SLC36A1: variants seen among roughly 807,000 people sequenced by gnomAD.
SLC36A1 encodes the protein solute carrier family 36 member 1, also known as proton-coupled amino acid transporter 1.
A neutral mutation model predicts 47.5 loss-of-function variants in SLC36A1; 30 were observed. That is an observed-to-expected ratio of 0.63 (90% CI 0.47 to 0.86). SLC36A1 has a LOEUF of 0.86. Among genes scored for constraint, SLC36A1 ranks in the 40% least tolerant of loss-of-function variants. The pLI, the probability that SLC36A1 is intolerant of heterozygous loss-of-function variation, is 0.00. For synonymous variants in SLC36A1, 255 were observed against 249.7 expected (o/e 1.02, Z -0.20); for missense variants, 517 against 606.0 (o/e 0.85, Z 1.54).
the SLC36A1 span, among the ~76,000 whole-genome samples, chr5:151,407,643 A>G: frequency 6.6e-6 from 1 of 152,198 alleles, no homozygotes; most frequent in Non-Finnish European, 1.5e-5. Flanking sequence ...TTCACCTCTC[A>G]TTAGGGCCAC....
chr5:151,545,084 CCATATGAAA>C, the SLC36A1 span: 1 of 1,614,136 alleles, frequency 6.2e-7, no homozygotes, highest in Non-Finnish European at 8.5e-7. Context: ...GCTGACTGGA[CCATATGAAA>C]CATATCTGTG....
At chr5:151,546,002 A>G in the SLC36A1 span, 2 of 1,614,208 alleles carry the variant, frequency 1.2e-6, no homozygotes. Flanking sequence ...ATAAGGCCAG[A>G]ATATGAGTTC....
intron 2 of SLC36A1, among the ~76,000 whole-genome samples, chr5:151,463,073 G>A (rs188255026): frequency 3.3e-5 from 5 of 152,070 alleles, no homozygotes; most frequent in Non-Finnish European, 5.9e-5. Flanking sequence ...ACGGGGTTTC[G>A]CCTTGTTGGC....
At chr5:151,354,939 A>G in the SLC36A1 span, among the ~76,000 whole-genome samples, 1 of 152,170 alleles carries the variant, frequency 6.6e-6, no homozygotes, top group African/African-American at 2.4e-5. Flanking sequence ...TGGGCAGCAG[A>G]GCAGATGTTC....
intron 1 of SLC36A1, 106 bp downstream of exon 1, chr5:151,447,919 G>A (rs1246912592): frequency 1.3e-5 from 2 of 152,288 alleles, no homozygotes; most frequent in Non-Finnish European, 2.9e-5. Context: ...GGCGAAGCGT[G>A]GAGATCCCTT....
At chr5:151,349,649 C>T in the SLC36A1 span, among the ~76,000 whole-genome samples, 1 of 152,058 alleles carries the variant, frequency 6.6e-6, no homozygotes, top group South Asian at 2.1e-4. Context: ...GGGCAGGCAA[C>T]TGGTGAAAAG....
At chr5:151,479,601 A>T in intron 10 of SLC36A1, 112 bp downstream of exon 10, 1 of 1,279,996 alleles carries the variant, frequency 7.8e-7, no homozygotes. Flanking sequence ...TATGTTTGTG[A>T]CAGAGAACCT....
chr5:151,421,526 G>A, the SLC36A1 span, among the ~76,000 whole-genome samples: 1 of 150,810 alleles, frequency 6.6e-6, no homozygotes, highest in African/African-American at 2.4e-5. Flanking sequence ...ACAGACATGA[G>A]CCACCACGCC....
the SLC36A1 span, among the ~76,000 whole-genome samples, chr5:151,547,187 G>GA: frequency 5.9e-5 from 9 of 152,076 alleles, no homozygotes; most frequent in Admixed American, 5.2e-4. Flanking sequence ...AGAAGTCAAA[G>GA]AAAAAATACC....
At chr5:151,500,150 A>G in the SLC36A1 span, among the ~76,000 whole-genome samples, 5 of 152,050 alleles carry the variant, frequency 3.3e-5, no homozygotes, top group Non-Finnish European at 7.4e-5. Flanking sequence ...GCTGCTGCTC[A>G]TCAGTCCCCT....
chr5:151,396,053 G>GT, the SLC36A1 span, among the ~76,000 whole-genome samples: 1 of 151,748 alleles, frequency 6.6e-6, no homozygotes, highest in Non-Finnish European at 1.5e-5. Context: ...CAAGGGACCT[G>GT]CTCACCGTGG....
the SLC36A1 span, chr5:151,549,189 T>C: frequency 7.5e-5 from 78 of 1,045,196 alleles, no homozygotes; most frequent in Non-Finnish European, 1.0e-4. Context: ...TGCCAAGGCT[T>C]AATGAGCTTG....
rs891467163 is a variant in SLC36A1, at chr5:151,488,353, C to A, written c.*99C>A. On this transcript the variant is annotated 3_prime_UTR_variant, in exon 11 of 11. Transcript: ENST00000243389. The stretch of plus-strand genomic sequence containing the variant: ...GTATGGTCCAGGCTCTGAGGAAAGT[C>A]AGGGTTGCTGTGTGGGAACCCCTCT... The A allele has an allele frequency of 6.2e-6, 9 of 1,462,702 alleles. No homozygotes were observed. Among genetic ancestry groups the A allele is most frequent in the African/African-American group, 5.7e-5 (4 of 70,772 alleles). 90.6% of individuals were successfully genotyped at this position (1,462,702 alleles called of 1,614,324 possible). A position where few individuals can be genotyped will look rare whatever the true frequency, so the allele number is the denominator to read the frequency against.
At chr5:151,548,387 G>T in the SLC36A1 span, among the ~76,000 whole-genome samples, 1 of 151,576 alleles carries the variant, frequency 6.6e-6, no homozygotes, top group Non-Finnish European at 1.5e-5. Context: ...GGATATTATC[G>T]CTTTTGTTAT....
Position 151,476,735 on chromosome 5 carries a change from C to CTTAT in SLC36A1, c.968_969insTTAT (p.Leu324TyrfsTer14). 1 of 1,611,408 alleles carries CTTAT rather than the reference C, an allele frequency of 6.2e-7. No homozygotes were observed. The highest frequency in any genetic ancestry group is 2.2e-5 in the East Asian group (1 of 44,870). On this transcript the variant is annotated frameshift_variant, in exon 9 of 11. Transcript: ENST00000243389. LOFTEE classifies it high-confidence loss of function. Reference sequence around the variant, plus strand: ...GGAGCTAATATCCAAGGCAGCATAACCCTCAACCTGCCCAACTGCTGGTAC... The same window carrying CTTAT: ...GGAGCTAATATCCAAGGCAGCATAACTTATCCTCAACCTGCCCAACTGCTGGTAC...
At chr5:151,515,629 T>G in the SLC36A1 span, among the ~76,000 whole-genome samples, 2 of 152,192 alleles carry the variant, frequency 1.3e-5, no homozygotes, top group Non-Finnish European at 2.9e-5. Context: ...CTACTTGCCT[T>G]CTCTCCCACC....
the SLC36A1 span, chr5:151,543,603 T>C: frequency 6.2e-7 from 1 of 1,614,230 alleles, no homozygotes. Context: ...GACCACTATC[T>C]TTGTCTATGG....
At chr5:151,517,748 T>C in the SLC36A1 span, 1 of 1,614,206 alleles carries the variant, frequency 6.2e-7, no homozygotes. Context: ...CTCTGACCAC[T>C]GAACCTTGTA....
the SLC36A1 span, among the ~76,000 whole-genome samples, chr5:151,365,392 C>A: frequency 6.6e-6 from 1 of 152,180 alleles, no homozygotes; most frequent in Non-Finnish European, 1.5e-5. Context: ...AAAATCCTGT[C>A]CTATTTGACA....
Sources: gnomAD v4.1 joint callset for allele counts (sites outside exome capture counted in the v4.1 genomes callset) on GRCh38, gnomAD v4.1.1 for gene constraint, MANE v1.5 for transcripts, NCBI Gene and HGNC (gene_info 2026-07-23, HGNC 2026-07-21) for gene names.